The following SMURF2 variants were observed in gnomAD, a reference collection of about 807,000 sequenced individuals.
SMURF2 encodes SMAD specific E3 ubiquitin protein ligase 2, also known as E3 ubiquitin-protein ligase SMURF2.
SMURF2 carries 48 observed loss-of-function variants against 109.6 expected under a neutral mutation model. That is an observed-to-expected ratio of 0.44 (90% CI 0.35 to 0.56). The LOEUF is 0.56. SMURF2 is among the 20% of genes least tolerant of loss of function. SMURF2 has a pLI of 0.01. For synonymous variants in SMURF2, 288 were observed against 317.1 expected (o/e 0.91, Z 0.97); for missense variants, 575 against 909.0 (o/e 0.63, Z 4.72).
At chr17:64,645,984 T>G (rs1970554062) in intron 1 of SMURF2, among the ~76,000 whole-genome samples, 1 of 152,178 alleles carries the variant, frequency 6.6e-6, no homozygotes, top group Non-Finnish European at 1.5e-5. Flanking sequence ...TTAAATTCTT[T>G]GAGTTAGATG....
intron 16 of SMURF2, among the ~76,000 whole-genome samples, chr17:64,550,990 A>T (rs1969036784): frequency 6.6e-6 from 1 of 152,192 alleles, no homozygotes; most frequent in African/African-American, 2.4e-5. Context: ...AAGAATGTAC[A>T]TATAAGTCAC....
rs917814665 is a variant in SMURF2, at chr17:64,627,720, T to G, written c.53-21080A>C. Among the ~76,000 whole-genome samples, 6 of 152,220 alleles carry G rather than the reference T, an allele frequency of 3.9e-5. 1 individual carries two copies. Among genetic ancestry groups the G allele is most frequent in the Non-Finnish European group, 1.5e-5 (1 of 68,048 alleles). On this transcript the variant is annotated intron_variant, in intron 1 of 18. Coordinates refer to ENST00000262435, the MANE Select transcript of SMURF2 (RefSeq NM_022739.4). ...ATATCACATACAAAACAGAGGCAGT[T>G]AGATGTTATAATTTCATACCACATG...
intron 13 of SMURF2, among the ~76,000 whole-genome samples, chr17:64,556,822 T>C (rs781987247): frequency 3.3e-5 from 5 of 152,254 alleles, no homozygotes; most frequent in Non-Finnish European, 7.3e-5. Context: ...TACTAAGTAA[T>C]CTTTTAAGCT....
At chr17:64,556,038 C>T (rs1555684013) in intron 13 of SMURF2, 40 bp from the exon 14 acceptor site, 1 of 1,414,360 alleles carries the variant, frequency 7.1e-7, no homozygotes, top group Non-Finnish European at 9.6e-7. Context: ...TAGGCACTAC[C>T]CAGGAAAATT....
rs202114405 is a variant in SMURF2 at position 64,604,115 on chromosome 17, C to T, written c.91+2487G>A. ...GGGCAACCCTTAACAGGTCAAAAATCTGTATAAGTATACATGTAAATCTAC... is the reference window on the plus strand; with the variant it reads ...GGGCAACCCTTAACAGGTCAAAAATTTGTATAAGTATACATGTAAATCTAC... On this transcript the variant is annotated intron_variant, in intron 2 of 18. Coordinates refer to ENST00000262435, the MANE Select transcript of SMURF2 (RefSeq NM_022739.4). 3.8e-4 allele frequency among the ~76,000 whole-genome samples: 58 copies of T among 152,288 alleles called. No homozygotes were observed. The East Asian group carries it at 9.6e-3, about 25-fold the overall frequency.
At chr17:64,553,631 C>A (rs527601071) in intron 15 of SMURF2, among the ~76,000 whole-genome samples, 1 of 152,256 alleles carries the variant, frequency 6.6e-6, no homozygotes, top group Admixed American at 6.5e-5. Context: ...ACATAATATT[C>A]TGCTGAATGT....
At chr17:64,631,811 G>A (rs1555691621) in intron 1 of SMURF2, among the ~76,000 whole-genome samples, 3 of 152,120 alleles carry the variant, frequency 2.0e-5, no homozygotes, top group African/African-American at 7.2e-5. Context: ...CAGACATGGT[G>A]CTTATGCACG....
intron 1 of SMURF2, among the ~76,000 whole-genome samples, chr17:64,630,728 C>G (rs1197319889): frequency 2.0e-5 from 3 of 152,154 alleles, no homozygotes; most frequent in Admixed American, 2.0e-4. Flanking sequence ...CTCTCATTAG[C>G]TGAACTGATA....
chr17:64,651,027 C>T (rs781871369), intron 1 of SMURF2, among the ~76,000 whole-genome samples: 4 of 150,694 alleles, frequency 2.7e-5, no homozygotes, highest in African/African-American at 7.3e-5. Context: ...GCCTGGCCAA[C>T]ACAGCAAAAC....
intron 16 of SMURF2, among the ~76,000 whole-genome samples, chr17:64,549,511 T>G (rs781947461): frequency 3.9e-5 from 6 of 151,992 alleles, no homozygotes; most frequent in Non-Finnish European, 7.4e-5. Context: ...ATCCTAACAA[T>G]TTGGGAAGCA....
rs1339677363 is a variant in SMURF2 at position 64,543,628 on chromosome 17, TCAAAAAG to T, written c.*2213_*2219del. 2 of 152,200 alleles carry T rather than the reference TCAAAAAG, an allele frequency of 1.3e-5. No homozygotes were observed. Among genetic ancestry groups the T allele is most frequent in the East Asian group, 3.8e-4 (2 of 5,202 alleles). The allele number at this position is 152,200 out of a possible 1,614,324, so 9.4% of individuals were successfully genotyped here. On this transcript the variant is annotated 3_prime_UTR_variant, in exon 19 of 19. Coordinates refer to ENST00000262435, the MANE Select transcript of SMURF2 (RefSeq NM_022739.4). ...CATTAGTATAAAGTTAAAAAGGCAC[TCAAAAAG>T]CAATGGTATTTGCCTGCTTTATATT...
chr17:64,647,403 G>A (rs1054578720), intron 1 of SMURF2, among the ~76,000 whole-genome samples: 2 of 152,042 alleles, frequency 1.3e-5, no homozygotes, highest in South Asian at 2.1e-4. Flanking sequence ...AATAGAGGCC[G>A]GGTACGGTGG....
chr17:64,641,401 G>C (rs1970491490), intron 1 of SMURF2, among the ~76,000 whole-genome samples: 1 of 152,120 alleles, frequency 6.6e-6, no homozygotes, highest in Non-Finnish European at 1.5e-5. Context: ...CACCACCTGT[G>C]ACAATTTTTT....
intron 10 of SMURF2, among the ~76,000 whole-genome samples, chr17:64,563,371 CTTCTT>C (rs1269038611): frequency 6.6e-6 from 1 of 152,172 alleles, no homozygotes; most frequent in Non-Finnish European, 1.5e-5. Context: ...GCAGGGATCC[CTTCTT>C]TTTATACACC....
chr17:64,650,628 C>T (rs529142070), intron 1 of SMURF2, among the ~76,000 whole-genome samples: 1 of 151,354 alleles, frequency 6.6e-6, no homozygotes, highest in Non-Finnish European at 1.5e-5. Context: ...GTCAGGAGTT[C>T]GTGACCAGCC....
intron 3 of SMURF2, among the ~76,000 whole-genome samples, chr17:64,597,926 G>A (rs1969841664): frequency 6.6e-6 from 1 of 152,130 alleles, no homozygotes; most frequent in Admixed American, 6.5e-5. Context: ...GAATGGAGCA[G>A]GGAACTTGCT....
rs1335117473 is a variant in SMURF2 at position 64,598,414 on chromosome 17, C to G, written c.168G>C (p.Thr56=). The G allele has an allele frequency of 6.2e-7, 1 of 1,608,726 alleles. No individual in the cohort carries two copies. Among genetic ancestry groups the G allele is most frequent in the Non-Finnish European group, 8.5e-7 (1 of 1,178,390 alleles). Residue 56 remains threonine, a synonymous_variant, in exon 3 of 19, where the codon ACG becomes ACC. Transcript: ENST00000262435. ...QCHSTDTVKN[T]LDPKWNQHYD... is the part of the protein sequence containing the mutation. ...AATGCTGATTCCACTTTGGATCAAG[C>G]GTATTCTTCACAGTATCTGTAGAAT...
intron 1 of SMURF2, among the ~76,000 whole-genome samples, chr17:64,612,691 A>C (rs1555689682): frequency 6.6e-6 from 1 of 152,104 alleles, no homozygotes; most frequent in African/African-American, 2.4e-5. Context: ...CCACCCCTCA[A>C]AAAAATCTTA....
intron 1 of SMURF2, among the ~76,000 whole-genome samples, chr17:64,619,153 A>G (rs1035334331): frequency 6.6e-6 from 1 of 152,172 alleles, no homozygotes; most frequent in African/African-American, 2.4e-5. Flanking sequence ...AAAATTTCTC[A>G]TAAAATTAAC....
Sources: gnomAD v4.1 joint callset for allele counts (sites outside exome capture counted in the v4.1 genomes callset) on GRCh38, gnomAD v4.1.1 for gene constraint, MANE v1.5 for transcripts, NCBI Gene and HGNC (gene_info 2026-07-23, HGNC 2026-07-21) for gene names.